Variants in NRG2 observed in about 807,000 individuals in gnomAD.
NRG2 encodes neuregulin 2, also known as pro-neuregulin-2, membrane-bound isoform.
A neutral mutation model predicts 73.9 loss-of-function variants in NRG2; 27 were observed. The ratio of observed to expected loss-of-function variants is 0.37; its 90% CI spans 0.27 to 0.50. The LOEUF (loss-of-function observed/expected upper bound fraction) is 0.50, where lower values mean the gene tolerates loss of function less well. NRG2 is among the 20% of genes least tolerant of loss of function. NRG2 has a pLI of 0.96. For synonymous variants in NRG2, 532 were observed against 541.0 expected (o/e 0.98, Z 0.23); for missense variants, 1,126 against 1,210.1 (o/e 0.93, Z 1.03).
chr5:139,965,591 C>T (rs558262696), intron 1 of NRG2, among the ~76,000 whole-genome samples: 2 of 152,348 alleles, frequency 1.3e-5, no homozygotes, highest in South Asian at 2.1e-4. Flanking sequence ...CCCAATCAGG[C>T]CCCTGGACAG....
At chr5:140,023,587 A>G (rs190409848) in intron 1 of NRG2, among the ~76,000 whole-genome samples, 1 of 152,344 alleles carries the variant, frequency 6.6e-6, no homozygotes, top group Non-Finnish European at 1.5e-5. Flanking sequence ...AGATCAAGAT[A>G]TATGATTACT....
intron 1 of NRG2, among the ~76,000 whole-genome samples, chr5:139,902,362 G>A (rs1361000061): frequency 6.6e-6 from 1 of 152,218 alleles, no homozygotes; most frequent in African/African-American, 2.4e-5. Context: ...ACACTGGCCT[G>A]GGTTTGTGTG....
intron 6 of NRG2, among the ~76,000 whole-genome samples, 176 bp downstream of exon 6, chr5:139,855,500 G>C (rs1761748435): frequency 1.3e-5 from 2 of 152,188 alleles, no homozygotes; most frequent in Non-Finnish European, 2.9e-5. Context: ...TCTACTTCTT[G>C]GTCCAGATCT....
chr5:139,935,236 G>A (rs1368970544), intron 1 of NRG2, among the ~76,000 whole-genome samples: 1 of 152,094 alleles, frequency 6.6e-6, no homozygotes, highest in Non-Finnish European at 1.5e-5. Flanking sequence ...TAGAAATAGA[G>A]AAATTTAGAA....
At position 140,042,526 on chromosome 5, in the gene NRG2, C is replaced by A. The variant is rs768210360; in HGVS notation, c.544G>T (p.Val182Leu). 6 of 1,613,030 alleles carry A rather than the reference C, an allele frequency of 3.7e-6. No homozygotes were observed. Among genetic ancestry groups the A allele is most frequent in the Non-Finnish European group, 4.2e-6 (5 of 1,179,626 alleles). ...CTTTCGAGCGGCACACAGGAGCCCA[C>A]GCTGATCACCTGCTCGCGCTGCAGC... ...GGLQREQVIS[V>L]GSCVPLERNQ... Residue 182 changes from valine to leucine, a missense_variant, in exon 1 of 10, where the codon GTG becomes TTG. Val to Leu is a conservative substitution (Grantham distance 32). Transcript: ENST00000361474.
At chr5:140,000,535 T>A (rs1758370747) in intron 1 of NRG2, among the ~76,000 whole-genome samples, 1 of 152,234 alleles carries the variant, frequency 6.6e-6, no homozygotes, top group South Asian at 2.1e-4. Flanking sequence ...ACCCATCAGC[T>A]GGAAACACCG....
At chr5:139,935,180 A>G (rs191782285) in intron 1 of NRG2, among the ~76,000 whole-genome samples, 4 of 152,330 alleles carry the variant, frequency 2.6e-5, no homozygotes, top group African/African-American at 7.2e-5. Flanking sequence ...TTAAAAAAAA[A>G]GAAAAAAGAA....
chr5:140,016,679 T>C (rs1327628662), intron 1 of NRG2, among the ~76,000 whole-genome samples: 1 of 152,214 alleles, frequency 6.6e-6, no homozygotes, highest in Non-Finnish European at 1.5e-5. Flanking sequence ...ATGTAGCACA[T>C]CTATGGCTTC....
At chr5:140,006,921 C>A (rs555977664) in intron 1 of NRG2, among the ~76,000 whole-genome samples, 5 of 152,210 alleles carry the variant, frequency 3.3e-5, no homozygotes, top group South Asian at 2.1e-4. Context: ...GAAGTGAAAT[C>A]AAAAATAAAG....
At chr5:139,859,819 A>G (rs993634150) in intron 5 of NRG2, 41 of 1,514,068 alleles carry the variant, frequency 2.7e-5, no homozygotes, top group Non-Finnish European at 3.7e-5. Context: ...AACATTCAGC[A>G]CACATGGCAT....
chr5:139,924,468 C>A (rs960063970), intron 1 of NRG2, among the ~76,000 whole-genome samples: 4 of 152,188 alleles, frequency 2.6e-5, no homozygotes, highest in Non-Finnish European at 5.9e-5. Flanking sequence ...TTTTAATTAA[C>A]CCAGCTAATA....
At chr5:139,949,257 A>G (rs762184006) in intron 1 of NRG2, among the ~76,000 whole-genome samples, 18 of 152,114 alleles carry the variant, frequency 1.2e-4, no homozygotes, top group Non-Finnish European at 2.2e-4. Flanking sequence ...CAATCAATAC[A>G]TTATTCCACA....
chr5:139,861,741 G>A (rs774547064), intron 5 of NRG2: 1 of 517,300 alleles, frequency 1.9e-6, no homozygotes, highest in South Asian at 1.4e-5. Context: ...TGAGTAGACA[G>A]TACAAACTTG....
At chr5:139,947,222 C>T (rs865973985) in intron 1 of NRG2, among the ~76,000 whole-genome samples, 1 of 151,948 alleles carries the variant, frequency 6.6e-6, no homozygotes, top group Admixed American at 6.6e-5. Flanking sequence ...AGAAGTAAAC[C>T]CATACTCTTT....
intron 1 of NRG2, among the ~76,000 whole-genome samples, chr5:139,908,613 G>A (rs1402113522): frequency 6.6e-6 from 1 of 152,212 alleles, no homozygotes; most frequent in Admixed American, 6.5e-5. Context: ...AAGTGGCAGA[G>A]CAAGGTTAGG....
chr5:140,000,206 G>A (rs1032318199), intron 1 of NRG2, among the ~76,000 whole-genome samples: 2 of 152,142 alleles, frequency 1.3e-5, no homozygotes, highest in African/African-American at 2.4e-5. Flanking sequence ...CAAGATATGT[G>A]GAAACACAAA....
In NRG2 at chr5:140,042,915, T is replaced by TTGCTGCTGCTCC. The variant is rs1762058574; in HGVS notation, c.143_154dup (p.Arg48_Ser51dup). 4 of 1,524,116 alleles carry TTGCTGCTGCTCC rather than the reference T, an allele frequency of 2.6e-6. No homozygotes were observed. The highest frequency in any genetic ancestry group is 1.9e-4 in the Middle Eastern group (1 of 5,154). The allele number at this position is 1,524,116 out of a possible 1,614,324, so 94.4% of individuals were successfully genotyped here. A position where few individuals can be genotyped will look rare whatever the true frequency, so the allele number is the denominator to read the frequency against. Reference sequence around the variant, plus strand: ...AGCGGGACGAGAGATGCTGCTGTTGTTGCTGCTGCTCCTGCTGCTGCTGCC... The same window carrying TTGCTGCTGCTCC: ...AGCGGGACGAGAGATGCTGCTGTTGTTGCTGCTGCTCCTGCTGCTGCTCCTGCTGCTGCTGCC... On this transcript the variant is annotated inframe_insertion, in exon 1 of 10. Coordinates refer to ENST00000361474, the MANE Select transcript of NRG2 (RefSeq NM_004883.3).
chr5:139,905,776 G>C (rs936399522), intron 1 of NRG2, among the ~76,000 whole-genome samples: 1 of 152,044 alleles, frequency 6.6e-6, no homozygotes, highest in African/African-American at 2.4e-5. Context: ...ATCACTTTCT[G>C]TGAGGTGGGC....
intron 1 of NRG2, among the ~76,000 whole-genome samples, chr5:139,941,615 G>A (rs1753408515): frequency 6.6e-6 from 1 of 152,132 alleles, no homozygotes; most frequent in Non-Finnish European, 1.5e-5. Flanking sequence ...AATTCTGATA[G>A]AGTCTTCTCT....
Sources: allele counts gnomAD v4.1 joint callset (sites outside exome capture counted in the v4.1 genomes callset), GRCh38; gene constraint gnomAD v4.1.1; transcripts MANE v1.5; gene names NCBI Gene and HGNC (gene_info 2026-07-23, HGNC 2026-07-21).